Variants in SRGAP3 observed in about 807,000 individuals in gnomAD.
The protein encoded by SRGAP3 is SLIT-ROBO Rho GTPase activating protein 3.
In SRGAP3, 39 loss-of-function variants were observed where a neutral mutation model predicts 121.1. The ratio of observed to expected loss-of-function variants is 0.32; its 90% confidence interval spans 0.25 to 0.42. The LOEUF (loss-of-function observed/expected upper bound fraction) is 0.42, where lower values mean the gene tolerates loss of function less well. Among genes scored for constraint, SRGAP3 ranks in the 10% least tolerant of loss-of-function variants. The pLI is 1.00. For synonymous variants in SRGAP3, 601 were observed against 570.0 expected (o/e 1.05, Z -0.77); for missense variants, 1,213 against 1,470.6 (o/e 0.82, Z 2.86).
upstream of SRGAP3, among the ~76,000 whole-genome samples, chr3:9,254,331 A>G (rs940950407): frequency 2.0e-5 from 3 of 152,268 alleles, no homozygotes; most frequent in Non-Finnish European, 2.9e-5. Context: ...ATGCTAAGTC[A>G]AAGAAATACA....
At chr3:9,285,041 G>A (rs991991787) in intron 3 of SRGAP3, among the ~76,000 whole-genome samples, 9 of 152,254 alleles carry the variant, frequency 5.9e-5, no homozygotes, top group Middle Eastern at 3.4e-3. Context: ...ATCACTACTT[G>A]GAAAGGGAAA....
At chr3:9,033,127 C>T (rs1944574987) in intron 11 of SRGAP3, among the ~76,000 whole-genome samples, 1 of 152,212 alleles carries the variant, frequency 6.6e-6, no homozygotes, top group Non-Finnish European at 1.5e-5. Context: ...AAGCAAGAGA[C>T]TTTCAAAAAT....
rs553392665 is a variant in SRGAP3, at chr3:9,040,416, C to T, written c.1409-2326G>A. On this transcript the variant is annotated intron_variant, in intron 10 of 21. Transcript: ENST00000383836. ...GGCCTCTGTGTGGTCCTCAAGTAGG[C>T]GTTTGCATTTGCTGCCTGGAATTCT... Among the ~76,000 whole-genome samples the T allele has an allele frequency of 6.2e-4, 94 of 152,262 alleles. 1 individual carries two copies. In the South Asian group the frequency reaches 0.017, roughly 27 times the overall value.
chr3:9,240,850 T>G (rs971985937), intron 1 of SRGAP3, among the ~76,000 whole-genome samples: 3 of 152,160 alleles, frequency 2.0e-5, no homozygotes, highest in Non-Finnish European at 4.4e-5. Flanking sequence ...CAGTGGACAC[T>G]TTCCCAAAGG....
rs1490362032 is a variant in SRGAP3, at chr3:9,154,796, C to G, written c.68-29879G>C. On this transcript the variant is annotated intron_variant, in intron 1 of 21. Transcript: ENST00000383836. ...GGATTATCTTGAAAAAACCAGTGATCTAGAAACACCAAACTTCCTTCCCAC... is the reference window on the plus strand; with the variant it reads ...GGATTATCTTGAAAAAACCAGTGATGTAGAAACACCAAACTTCCTTCCCAC... 2.6e-5 allele frequency among the ~76,000 whole-genome samples: 4 copies of G among 151,916 alleles called. No homozygotes were observed. The East Asian group carries it at 7.7e-4, about 29-fold the overall frequency.
intron 1 of SRGAP3, among the ~76,000 whole-genome samples, chr3:9,205,820 A>T (rs1433956041): frequency 6.6e-6 from 1 of 152,230 alleles, no homozygotes; most frequent in African/African-American, 2.4e-5. Flanking sequence ...ATTCTGACAC[A>T]TTCTATAACG....
At position 9,058,262 on chromosome 3, in the gene SRGAP3, T is replaced by C. The variant is rs778961882; in HGVS notation, c.1012A>G (p.Met338Val). ...PPLKFEFQPHMGDEVCQVSAQ... is the reference protein window; with the variant it reads ...PPLKFEFQPHVGDEVCQVSAQ... Reference sequence around the variant, plus strand: ...AGGAGGAAGCCTACCTCATCCCCCATGTGGGGCTGGAACTCGAACTTGAGT... The same window carrying C: ...AGGAGGAAGCCTACCTCATCCCCCACGTGGGGCTGGAACTCGAACTTGAGT... Residue 338 changes from methionine to valine, a missense_variant, in exon 7 of 22, where the codon ATG becomes GTG. Transcript: ENST00000383836. 2.5e-6 allele frequency: 4 copies of C among 1,614,112 alleles called. No individual in the cohort carries two copies. Among genetic ancestry groups the C allele is most frequent in the South Asian group, 2.2e-5 (2 of 91,084 alleles).
At chr3:9,053,618 T>C (rs1473262641) in intron 8 of SRGAP3, among the ~76,000 whole-genome samples, 4 of 152,232 alleles carry the variant, frequency 2.6e-5, no homozygotes, top group Admixed American at 2.6e-4. Context: ...TGTGCTCTAG[T>C]TCTCTTCATT....
At chr3:9,080,415 G>C (rs575946800) in intron 3 of SRGAP3, among the ~76,000 whole-genome samples, 3 of 152,186 alleles carry the variant, frequency 2.0e-5, no homozygotes, top group Non-Finnish European at 4.4e-5. Context: ...TTAATTCTAC[G>C]TGTACTAAGC....
chr3:9,134,966 T>A (rs1383200701), intron 1 of SRGAP3, among the ~76,000 whole-genome samples: 1 of 152,188 alleles, frequency 6.6e-6, no homozygotes, highest in Admixed American at 6.5e-5. Flanking sequence ...GATAATAATC[T>A]CTACCTCATA....
intron 4 of SRGAP3, among the ~76,000 whole-genome samples, chr3:9,066,153 GC>G (rs1328010139): frequency 6.6e-6 from 1 of 152,150 alleles, no homozygotes; most frequent in Non-Finnish European, 1.5e-5. Context: ...ACTTTTAGTA[GC>G]CTGAACACTG....
chr3:9,026,666 GA>G (rs1444039816), intron 13 of SRGAP3, among the ~76,000 whole-genome samples: 3 of 152,220 alleles, frequency 2.0e-5, no homozygotes, highest in Non-Finnish European at 2.9e-5. Context: ...TCAAAGCACA[GA>G]GCTATAGGGT....
At chr3:9,066,894 G>A (rs1350597644) in intron 4 of SRGAP3, among the ~76,000 whole-genome samples, 1 of 152,178 alleles carries the variant, frequency 6.6e-6, no homozygotes, top group Non-Finnish European at 1.5e-5. Flanking sequence ...ATATATTGTA[G>A]ATCATGGAAG....
intron 1 of SRGAP3, among the ~76,000 whole-genome samples, chr3:9,221,548 A>T (rs1365738519): frequency 6.6e-6 from 1 of 152,090 alleles, no homozygotes; most frequent in African/African-American, 2.4e-5. Flanking sequence ...TAAAGACAAA[A>T]TTTTAATATG....
intron 1 of SRGAP3, among the ~76,000 whole-genome samples, chr3:9,154,367 C>T (rs2125062199): frequency 6.6e-6 from 1 of 152,268 alleles, no homozygotes; most frequent in East Asian, 1.9e-4. Context: ...CCAGCTCTTA[C>T]AGGAGAGAGG....
At chr3:8,994,224 G>A in intron 19 of SRGAP3, 119 bp downstream of exon 19, 9 of 1,282,606 alleles carry the variant, frequency 7.0e-6, no homozygotes, top group Non-Finnish European at 1.0e-5. Flanking sequence ...AGAAGAACAA[G>A]CGTATGATAT....
intron 1 of SRGAP3, among the ~76,000 whole-genome samples, chr3:9,220,200 A>G (rs1215554517): frequency 6.6e-6 from 1 of 152,216 alleles, no homozygotes; most frequent in Non-Finnish European, 1.5e-5. Context: ...TGTTCCCAAC[A>G]CAAAGAAATT....
chr3:9,202,370 C>T (rs977485127), intron 1 of SRGAP3, among the ~76,000 whole-genome samples: 3 of 152,222 alleles, frequency 2.0e-5, no homozygotes, highest in Non-Finnish European at 2.9e-5. Flanking sequence ...TCAGCCCCCT[C>T]CCAAGACACA....
chr3:9,268,536 A>G (rs185839690), intron 3 of SRGAP3, among the ~76,000 whole-genome samples: 1 of 152,228 alleles, frequency 6.6e-6, no homozygotes, highest in East Asian at 1.9e-4. Context: ...TGGGGAGACT[A>G]AGACAGCATC....
Sources: gnomAD v4.1 joint callset for allele counts (sites outside exome capture counted in the v4.1 genomes callset) on GRCh38, gnomAD v4.1.1 for gene constraint, MANE v1.5 for transcripts, NCBI Gene and HGNC (gene_info 2026-07-23, HGNC 2026-07-21) for gene names.